The following TENM4 variants were observed in gnomAD, a reference collection of about 807,000 sequenced individuals.
The protein encoded by TENM4 is teneurin-4.
In TENM4, 82 loss-of-function variants were observed where a neutral mutation model predicts 243.3. That is an observed-to-expected ratio of 0.34 (90% CI 0.28 to 0.40). The LOEUF (loss-of-function observed/expected upper bound fraction) is 0.40, where lower values mean the gene tolerates loss of function less well. Among genes scored for constraint, TENM4 ranks in the 10% least tolerant of loss-of-function variants. The pLI is 1.00. For synonymous variants in TENM4, 1,412 were observed against 1,456.3 expected, an observed-to-expected ratio of 0.97 and a Z score of 0.69; for missense variants, 3,138 against 3,673.3, an observed-to-expected ratio of 0.85 and a Z score of 3.77.
intron 6 of TENM4, among the ~76,000 whole-genome samples, chr11:79,023,570 A>AG: frequency 6.6e-6 from 1 of 152,056 alleles, no homozygotes; most frequent in South Asian, 2.1e-4. Context: ...TCAAAAAAAA[A>AG]AAAAAAATCA....
chr11:79,353,023 A>G (rs17138178), intron 1 of TENM4, among the ~76,000 whole-genome samples: 7,932 of 152,238 alleles, frequency 0.052, 708 homozygotes, highest in African/African-American at 0.18. Flanking sequence ...CAATTTATGA[A>G]CAAGATCACT....
intron 1 of TENM4, among the ~76,000 whole-genome samples, chr11:79,369,375 G>A (rs1484063011): frequency 1.3e-5 from 2 of 152,180 alleles, no homozygotes; most frequent in East Asian, 1.9e-4. Context: ...TCAGAGGGGC[G>A]CATTACATTT....
At chr11:79,300,315 C>T (rs1005054992) in intron 1 of TENM4, among the ~76,000 whole-genome samples, 2 of 152,142 alleles carry the variant, frequency 1.3e-5, no homozygotes, top group Admixed American at 6.5e-5. Flanking sequence ...GGGATCATAC[C>T]ATACAAGCTA....
Position 79,174,647 on chromosome 11 carries a change from G to A in TENM4, c.-162-25841C>T, listed in dbSNP as rs530664966. 1.8e-4 allele frequency among the ~76,000 whole-genome samples: 27 copies of A among 152,316 alleles called. No individual in the cohort carries two copies. In the East Asian group the frequency reaches 5.2e-3, roughly 29 times the overall value. ...GAGACTCTGGCAGGAGGTGTGAGGA[G>A]GTTGGGAGAAGAATGAGGTTAGGGT... On this transcript the variant is annotated intron_variant, in intron 3 of 33. Coordinates refer to ENST00000278550, the MANE Select transcript of TENM4 (RefSeq NM_001098816.3).
chr11:78,900,195 T>G (rs1855897762), intron 7 of TENM4, among the ~76,000 whole-genome samples: 1 of 152,230 alleles, frequency 6.6e-6, no homozygotes, highest in Admixed American at 6.5e-5. Context: ...GCCACTAAAT[T>G]TTGGAGTCAT....
chr11:79,369,820 T>C (rs1428863311), intron 1 of TENM4, among the ~76,000 whole-genome samples: 1 of 152,226 alleles, frequency 6.6e-6, no homozygotes, highest in Non-Finnish European at 1.5e-5. Flanking sequence ...TCTGAGTAGA[T>C]TCACTTAAAG....
chr11:79,245,953 A>AG (rs2135292378), intron 2 of TENM4, among the ~76,000 whole-genome samples: 1 of 151,144 alleles, frequency 6.6e-6, no homozygotes, highest in East Asian at 1.9e-4. Flanking sequence ...AAAAAAAAAA[A>AG]AAAAAAAAAG....
chr11:79,255,447 A>C (rs1448076645), intron 2 of TENM4, among the ~76,000 whole-genome samples: 3 of 152,208 alleles, frequency 2.0e-5, no homozygotes, highest in African/African-American at 7.2e-5. Context: ...TATACATGCA[A>C]AGAAGCTCAA....
intron 3 of TENM4, among the ~76,000 whole-genome samples, chr11:79,211,343 CG>C (rs1486910269): frequency 6.6e-6 from 1 of 152,178 alleles, no homozygotes; most frequent in Non-Finnish European, 1.5e-5. Flanking sequence ...ACTAGATTCA[CG>C]GTTGACTTCC....
chr11:78,818,869 T>C (rs947941087), intron 12 of TENM4, among the ~76,000 whole-genome samples: 1 of 151,822 alleles, frequency 6.6e-6, no homozygotes, highest in Non-Finnish European at 1.5e-5. Context: ...CAGCAGCCTA[T>C]GAATAATTGG....
intron 6 of TENM4, among the ~76,000 whole-genome samples, chr11:79,000,579 C>A (rs1393450438): frequency 2.0e-5 from 3 of 151,990 alleles, no homozygotes; most frequent in Non-Finnish European, 4.4e-5. Context: ...AATTAAAATG[C>A]ATTTTGTATT....
At position 79,003,372 on chromosome 11, in the gene TENM4, G is replaced by GA. The variant is rs537581726; in HGVS notation, c.493+61365dup. 5.0e-3 allele frequency among the ~76,000 whole-genome samples: 701 copies of GA among 140,014 alleles called. 2 individuals are homozygous for GA. Among genetic ancestry groups the GA allele is most frequent in the South Asian group, 0.011 (48 of 4,436 alleles). The allele number at this position is 140,014 out of a possible 152,430, so 91.9% of individuals were successfully genotyped here. On this transcript the variant is annotated intron_variant, in intron 6 of 33. Coordinates refer to ENST00000278550, the MANE Select transcript of TENM4 (RefSeq NM_001098816.3). ...TCTTCATATTCTCCAAGGTCAAAAT[G>GA]AAAAAAAAAAAAGTTAATGGCAGCT...
chr11:79,394,318 G>A (rs559180644), intron 1 of TENM4, among the ~76,000 whole-genome samples: 20 of 152,204 alleles, frequency 1.3e-4, no homozygotes, highest in East Asian at 1.9e-4. Flanking sequence ...GCCTACCCCC[G>A]CATCCCAGCA....
Position 78,794,459 on chromosome 11 carries a change from T to G in TENM4, c.2180-7376A>C, listed in dbSNP as rs117459552. Among the ~76,000 whole-genome samples the G allele has an allele frequency of 6.2e-3, 937 of 152,252 alleles. 10 individuals carry two copies. The highest frequency in any genetic ancestry group is 6.8e-3 in the Non-Finnish European group (463 of 68,012). ...CTCCCTGGAGCAGGGTGCTGGTGAA[T>G]AGATGTGAACATTTGAAACAGCCCC... On this transcript the variant is annotated intron_variant, in intron 15 of 33. Coordinates refer to ENST00000278550, the MANE Select transcript of TENM4 (RefSeq NM_001098816.3).
chr11:78,916,543 A>G (rs1421206170), intron 6 of TENM4, among the ~76,000 whole-genome samples: 1 of 152,190 alleles, frequency 6.6e-6, no homozygotes, highest in Admixed American at 6.5e-5. Context: ...GGAAAAAAAT[A>G]AATATTTATT....
At chr11:79,407,034 C>T (rs534291914) in intron 1 of TENM4, among the ~76,000 whole-genome samples, 1 of 152,320 alleles carries the variant, frequency 6.6e-6, no homozygotes, top group South Asian at 2.1e-4. Flanking sequence ...CCCCTGACCC[C>T]CAACCTGTCA....
At chr11:78,799,580 C>A (rs1274020320) in intron 15 of TENM4, among the ~76,000 whole-genome samples, 1 of 152,186 alleles carries the variant, frequency 6.6e-6, no homozygotes, top group Non-Finnish European at 1.5e-5. Flanking sequence ...GGAAAACAAC[C>A]CTGCAAGGCA....
chr11:79,291,906 A>G (rs1565286042), intron 2 of TENM4, among the ~76,000 whole-genome samples: 2 of 152,178 alleles, frequency 1.3e-5, no homozygotes, highest in Admixed American at 1.3e-4. Context: ...CTGCAGTCCC[A>G]GGACTTAGAA....
chr11:78,995,742 G>A (rs1858158273), intron 6 of TENM4, among the ~76,000 whole-genome samples: 2 of 151,398 alleles, frequency 1.3e-5, no homozygotes, highest in African/African-American at 2.4e-5. Context: ...CTAAGATTCA[G>A]AGAGATGAGA....
Sources: gnomAD v4.1 joint callset for allele counts (sites outside exome capture counted in the v4.1 genomes callset) on GRCh38, gnomAD v4.1.1 for gene constraint, MANE v1.5 for transcripts, NCBI Gene and HGNC (gene_info 2026-07-23, HGNC 2026-07-21) for gene names.